MAN1A1: variants seen among roughly 807,000 people sequenced by gnomAD.
MAN1A1 encodes the protein mannosidase alpha class 1A member 1, also known as mannosyl-oligosaccharide 1,2-alpha-mannosidase IA.
MAN1A1 carries 29 observed loss-of-function variants against 70.8 expected under a neutral mutation model. The ratio of observed to expected loss-of-function variants is 0.41; its 90% confidence interval spans 0.31 to 0.56. MAN1A1 has a LOEUF of 0.56. Among genes scored for constraint, MAN1A1 ranks in the 20% least tolerant of loss-of-function variants. The pLI, the probability that MAN1A1 is intolerant of heterozygous loss-of-function variation, is 0.29. For synonymous variants in MAN1A1, 349 were observed against 330.1 expected (o/e 1.06, Z -0.62); for missense variants, 747 against 841.3 (o/e 0.89, Z 1.39).
intron 5 of MAN1A1, among the ~76,000 whole-genome samples, chr6:119,261,063 C>A (rs1476641166): frequency 1.4e-5 from 2 of 145,022 alleles, no homozygotes; most frequent in South Asian, 4.4e-4. Flanking sequence ...ACTGCAAGCT[C>A]CGCCTCCCAG....
At chr6:119,342,061 A>G (rs1773608820) in intron 2 of MAN1A1, among the ~76,000 whole-genome samples, 5 of 152,254 alleles carry the variant, frequency 3.3e-5, no homozygotes, top group Admixed American at 2.0e-4. Context: ...GACTATGAGA[A>G]AGAGACAAAT....
rs920745580 is a variant in MAN1A1 at position 119,179,904 on chromosome 6, A to G, written c.1877T>C (p.Leu626Pro). ...LIFSDDDLLP[L>P]EHWIFNSEAH... ...CTCGCTATTGAAGATCCAATGCTCCAGTGGAAGAAGATCGTCGTCAGAAAA... is the reference window on the plus strand; with the variant it reads ...CTCGCTATTGAAGATCCAATGCTCCGGTGGAAGAAGATCGTCGTCAGAAAA... Residue 626 changes from leucine (L) to proline (P), a missense_variant, in exon 13 of 13, where the codon CTG becomes CCG. This residue lies in a region of MAN1A1 where 419 missense variants were observed against 548.2 expected (regional missense o/e 0.76). Transcript: ENST00000368468. 1.6e-5 allele frequency: 26 copies of G among 1,613,574 alleles called. No individual in the cohort carries two copies. Among genetic ancestry groups the G allele is most frequent in the Non-Finnish European group, 1.8e-5 (21 of 1,179,622 alleles).
rs559289303 is a variant in MAN1A1, at chr6:119,250,384, T to A, written c.898-2030A>T. On this transcript the variant is annotated intron_variant, in intron 5 of 12. Transcript: ENST00000368468. Reference sequence around the variant, plus strand: ...AGCTCAGCTTCTCCAAACTGGGCAATCTTGTACAACTTGCCTAATTTCTCT... The same window carrying A: ...AGCTCAGCTTCTCCAAACTGGGCAAACTTGTACAACTTGCCTAATTTCTCT... Among the ~76,000 whole-genome samples, 217 of 152,338 alleles carry A rather than the reference T, an allele frequency of 1.4e-3. 8 individuals are homozygous for A. The South Asian group carries it at 0.043, about 30-fold the overall frequency.
rs576101398 is a variant in MAN1A1, at chr6:119,262,837, A to G, written c.898-14483T>C. On this transcript the variant is annotated intron_variant, in intron 5 of 12. Transcript: ENST00000368468. ...CTGTGAAGGTTAATACTGAGTGTCAACTTGATTGGACTGAGGGATACAAAG... is the reference window on the plus strand; with the variant it reads ...CTGTGAAGGTTAATACTGAGTGTCAGCTTGATTGGACTGAGGGATACAAAG... Among the ~76,000 whole-genome samples, 34 of 152,336 alleles carry G rather than the reference A, an allele frequency of 2.2e-4. No homozygotes were observed. The South Asian group carries it at 5.2e-3, about 23-fold the overall frequency.
chr6:119,240,466 C>T (rs959361128), intron 6 of MAN1A1, among the ~76,000 whole-genome samples: 19 of 151,926 alleles, frequency 1.3e-4, no homozygotes, highest in African/African-American at 3.1e-4. Flanking sequence ...AAGGAAAAGG[C>T]GGGAGGGTGG....
intron 5 of MAN1A1, among the ~76,000 whole-genome samples, chr6:119,272,450 T>C (rs1174439499): frequency 3.3e-5 from 5 of 152,326 alleles, no homozygotes; most frequent in Non-Finnish European, 7.4e-5. Context: ...CTCTTTGCTA[T>C]GCCTTTCCTA....
At chr6:119,289,540 G>C (rs1323017393) in intron 5 of MAN1A1, among the ~76,000 whole-genome samples, 1 of 151,922 alleles carries the variant, frequency 6.6e-6, no homozygotes, top group Non-Finnish European at 1.5e-5. Flanking sequence ...AGAAAAAAGG[G>C]AGGAAGAGGC....
chr6:119,230,076 G>T (rs1199731715), intron 6 of MAN1A1, among the ~76,000 whole-genome samples: 1 of 152,106 alleles, frequency 6.6e-6, no homozygotes, highest in Non-Finnish European at 1.5e-5. Flanking sequence ...ACTGCTTGAT[G>T]GTGAAACCAA....
At chr6:119,183,290 G>C (rs1183128965) in intron 11 of MAN1A1, among the ~76,000 whole-genome samples, 2 of 152,148 alleles carry the variant, frequency 1.3e-5, no homozygotes, top group Non-Finnish European at 2.9e-5. Context: ...AAGAAAATAA[G>C]ACCGATCAAC....
At chr6:119,290,645 C>G in intron 5 of MAN1A1, 38 bp downstream of exon 5, 1 of 1,451,350 alleles carries the variant, frequency 6.9e-7, no homozygotes, top group Non-Finnish European at 9.5e-7. Flanking sequence ...GTTTAAGACA[C>G]TTTATAATTC....
intron 6 of MAN1A1, among the ~76,000 whole-genome samples, chr6:119,226,211 T>C (rs1485091441): frequency 1.3e-5 from 2 of 152,148 alleles, no homozygotes; most frequent in African/African-American, 4.8e-5. Flanking sequence ...CTAAAAATAT[T>C]TGATTGCCAT....
chr6:119,216,639 T>G (rs1284598055), intron 6 of MAN1A1, among the ~76,000 whole-genome samples: 1 of 152,244 alleles, frequency 6.6e-6, no homozygotes, highest in East Asian at 1.9e-4. Context: ...TTTCCTTTTT[T>G]AGTTATTTAT....
At chr6:119,230,174 T>C (rs1176488689) in intron 6 of MAN1A1, among the ~76,000 whole-genome samples, 1 of 152,202 alleles carries the variant, frequency 6.6e-6, no homozygotes, top group African/African-American at 2.4e-5. Context: ...CTTGTGTTTT[T>C]GGGAAAAGGT....
chr6:119,247,131 A>C lies in MAN1A1; in HGVS notation c.992+1129T>G, dbSNP rs977950717. 2.0e-5 allele frequency among the ~76,000 whole-genome samples: 3 copies of C among 152,228 alleles called. No homozygotes were observed. In the East Asian group the frequency reaches 5.8e-4, roughly 29 times the overall value. On this transcript the variant is annotated intron_variant, in intron 6 of 12. Coordinates refer to ENST00000368468, the MANE Select transcript of MAN1A1 (RefSeq NM_005907.4). ...GATTAATTTCATGGTTTTATGATTA[A>C]TATTTGGACAGAATGTCACTAAAAT...
intron 5 of MAN1A1, among the ~76,000 whole-genome samples, chr6:119,273,116 G>A (rs1359211090): frequency 6.6e-6 from 1 of 152,054 alleles, no homozygotes; most frequent in East Asian, 1.9e-4. Flanking sequence ...TTTAGAGGTT[G>A]GAAAAACTGA....
chr6:119,204,333 TGGG>T (rs1427540011), intron 7 of MAN1A1, among the ~76,000 whole-genome samples: 1 of 152,078 alleles, frequency 6.6e-6, no homozygotes, highest in Non-Finnish European at 1.5e-5. Context: ...AGTAGAGTGA[TGGG>T]GGGAACATGA....
At chr6:119,206,282 G>A (rs1773857840) in intron 6 of MAN1A1, among the ~76,000 whole-genome samples, 1 of 152,164 alleles carries the variant, frequency 6.6e-6, no homozygotes, top group African/African-American at 2.4e-5. Flanking sequence ...TCTTTCTAAG[G>A]TAGACCCCAT....
intron 5 of MAN1A1, among the ~76,000 whole-genome samples, chr6:119,268,435 T>G (rs1775818537): frequency 7.3e-6 from 1 of 137,240 alleles, no homozygotes; most frequent in South Asian, 2.2e-4. Flanking sequence ...TCCCCAAGTG[T>G]TTTTTTTTTC....
At chr6:119,284,291 C>T (rs1038090412) in intron 5 of MAN1A1, among the ~76,000 whole-genome samples, 2 of 152,116 alleles carry the variant, frequency 1.3e-5, no homozygotes, top group African/African-American at 4.8e-5. Flanking sequence ...ATCTGATAAG[C>T]ACCATTTCCA....
Sources: allele counts gnomAD v4.1 joint callset (sites outside exome capture counted in the v4.1 genomes callset), GRCh38; gene constraint gnomAD v4.1.1; regional missense constraint gnomAD v4.1.1; transcripts MANE v1.5; gene names NCBI Gene and HGNC (gene_info 2026-07-23, HGNC 2026-07-21).